SLIT3: variants seen among roughly 807,000 people sequenced by gnomAD.
SLIT3 encodes slit guidance ligand 3, also known as slit homolog 3 protein.
In SLIT3, 68 loss-of-function variants were observed where a neutral mutation model predicts 184.0. The ratio of observed to expected loss-of-function variants is 0.37; its 90% CI spans 0.30 to 0.45. The LOEUF (loss-of-function observed/expected upper bound fraction) is 0.45, where lower values mean the gene tolerates loss of function less well. Ranked by LOEUF, SLIT3 falls within the 20% of genes least tolerant of loss-of-function variation. The pLI, the probability that SLIT3 is intolerant of heterozygous loss-of-function variation, is 1.00. For synonymous variants in SLIT3, 831 were observed against 828.6 expected (o/e 1.00, Z -0.05); for missense variants, 1,707 against 2,026.0 (o/e 0.84, Z 3.02).
intron 5 of SLIT3, among the ~76,000 whole-genome samples, chr5:168,850,436 T>C (rs1473436525): frequency 1.3e-5 from 2 of 152,246 alleles, no homozygotes; most frequent in East Asian, 3.8e-4. Context: ...TTCCTACATA[T>C]GTAGTTACAT....
rs1313776421 is a variant in SLIT3, at chr5:169,001,719, T to C, written c.414-118383A>G. Among the ~76,000 whole-genome samples, 3 of 152,298 alleles carry C rather than the reference T, an allele frequency of 2.0e-5. 1 individual carries two copies. Among genetic ancestry groups the C allele is most frequent in the African/African-American group, 7.2e-5 (3 of 41,576 alleles). On this transcript the variant is annotated intron_variant, in intron 4 of 35. Coordinates refer to ENST00000519560, the MANE Select transcript of SLIT3 (RefSeq NM_003062.4). ...AACCCAGGAGTTTATCTCCCTTGTT[T>C]TTCAGTGATTAATCTCAAACTAATC...
chr5:168,940,262 G>A (rs7703797), intron 4 of SLIT3, among the ~76,000 whole-genome samples: 10,010 of 152,162 alleles, frequency 0.066, 738 homozygotes, highest in African/African-American at 0.18. Flanking sequence ...ATACTGAAAC[G>A]ATGAATTGTT....
intron 5 of SLIT3, among the ~76,000 whole-genome samples, chr5:168,872,247 A>G (rs1348997043): frequency 6.6e-6 from 1 of 152,202 alleles, no homozygotes; most frequent in African/African-American, 2.4e-5. Context: ...GGGGGAATGG[A>G]AGGAAGGATG....
At chr5:169,015,341 C>A (rs980574300) in intron 4 of SLIT3, among the ~76,000 whole-genome samples, 5 of 152,196 alleles carry the variant, frequency 3.3e-5, no homozygotes, top group African/African-American at 1.2e-4. Context: ...GGCAGGGAAG[C>A]TCCTGCAGGT....
At chr5:168,892,234 A>G (rs373868482) in intron 4 of SLIT3, among the ~76,000 whole-genome samples, 2 of 152,270 alleles carry the variant, frequency 1.3e-5, no homozygotes, top group East Asian at 3.8e-4. Flanking sequence ...TGTAATCAAT[A>G]TAAACATTTA....
At chr5:169,146,871 C>A (rs1444252455) in intron 4 of SLIT3, among the ~76,000 whole-genome samples, 1 of 152,254 alleles carries the variant, frequency 6.6e-6, no homozygotes, top group Non-Finnish European at 1.5e-5. Flanking sequence ...CTGCCACTTA[C>A]TAGCTGTGTG....
At chr5:168,686,936 C>G in intron 30 of SLIT3, 43 bp downstream of exon 30, 1 of 1,599,364 alleles carries the variant, frequency 6.3e-7, no homozygotes. Flanking sequence ...CCCCTGCCAC[C>G]TGGCCCAGGC....
At chr5:168,932,714 T>C (rs1461139787) in intron 4 of SLIT3, among the ~76,000 whole-genome samples, 3 of 152,320 alleles carry the variant, frequency 2.0e-5, no homozygotes, top group South Asian at 2.1e-4. Context: ...CTTACCCTCA[T>C]AGTTTGTTTC....
chr5:169,284,590 C>G (rs1767094953), intron 1 of SLIT3, among the ~76,000 whole-genome samples: 1 of 152,164 alleles, frequency 6.6e-6, no homozygotes, highest in African/African-American at 2.4e-5. Flanking sequence ...TCACAATAAC[C>G]CTACAAGACA....
At chr5:168,805,001 T>C (rs916605882) in intron 9 of SLIT3, among the ~76,000 whole-genome samples, 2 of 152,228 alleles carry the variant, frequency 1.3e-5, no homozygotes, top group Non-Finnish European at 2.9e-5. Context: ...TTCCTCCAGA[T>C]AGCCATTTGG....
At chr5:169,176,354 C>T (rs911090059) in intron 4 of SLIT3, among the ~76,000 whole-genome samples, 4 of 152,174 alleles carry the variant, frequency 2.6e-5, no homozygotes, top group Non-Finnish European at 4.4e-5. Flanking sequence ...GCGATTTCTT[C>T]GCTGAATGAG....
chr5:168,799,774 G>T (rs556570167), intron 9 of SLIT3, among the ~76,000 whole-genome samples: 32 of 152,088 alleles, frequency 2.1e-4, no homozygotes, highest in Non-Finnish European at 4.0e-4. Context: ...CTTGCACACT[G>T]GCTCAAATTA....
intron 4 of SLIT3, among the ~76,000 whole-genome samples, chr5:169,082,889 C>T (rs1040343993): frequency 6.6e-6 from 1 of 152,236 alleles, no homozygotes. Context: ...AATAACACCA[C>T]TCACACATTG....
intron 3 of SLIT3, among the ~76,000 whole-genome samples, chr5:169,215,942 C>A (rs1764421325): frequency 6.6e-6 from 1 of 152,164 alleles, no homozygotes; most frequent in Non-Finnish European, 1.5e-5. Flanking sequence ...TAATTTATTT[C>A]ATGCTCAAAA....
At chr5:168,732,706 A>G (rs1358060310) in intron 20 of SLIT3, among the ~76,000 whole-genome samples, 2 of 152,198 alleles carry the variant, frequency 1.3e-5, no homozygotes, top group African/African-American at 2.4e-5. Flanking sequence ...AGCCAAAAAT[A>G]TACACTGGGG....
intron 4 of SLIT3, among the ~76,000 whole-genome samples, chr5:169,097,165 A>G (rs916045505): frequency 6.6e-6 from 1 of 152,202 alleles, no homozygotes; most frequent in Non-Finnish European, 1.5e-5. Context: ...TTAGTGTTGA[A>G]ACATTACCAT....
At chr5:169,130,340 G>A (rs945403527) in intron 4 of SLIT3, among the ~76,000 whole-genome samples, 1 of 152,224 alleles carries the variant, frequency 6.6e-6, no homozygotes, top group Non-Finnish European at 1.5e-5. Flanking sequence ...AAGGAATGGT[G>A]TTTGTTATTA....
intron 4 of SLIT3, among the ~76,000 whole-genome samples, chr5:168,980,393 A>C (rs1443487344): frequency 6.6e-6 from 1 of 152,220 alleles, no homozygotes; most frequent in East Asian, 1.9e-4. Context: ...GCATGATTTT[A>C]TCTGAGTCCC....
chr5:169,072,429 G>A (rs1188887977), intron 4 of SLIT3, among the ~76,000 whole-genome samples: 1 of 152,182 alleles, frequency 6.6e-6, no homozygotes, highest in African/African-American at 2.4e-5. Flanking sequence ...ATGACTTCAG[G>A]CATGGATGAC....
Sources: gnomAD v4.1 joint callset for allele counts (sites outside exome capture counted in the v4.1 genomes callset) on GRCh38, gnomAD v4.1.1 for gene constraint, MANE v1.5 for transcripts, NCBI Gene and HGNC (gene_info 2026-07-23, HGNC 2026-07-21) for gene names.